Variants in TSHZ3 observed in about 807,000 individuals in gnomAD.
The protein encoded by TSHZ3 is teashirt homolog 3.
Under a neutral mutation model 64.5 loss-of-function variants are expected in TSHZ3, and 10 were observed. The ratio of observed to expected loss-of-function variants is 0.16; its 90% confidence interval spans 0.10 to 0.26. TSHZ3 has a LOEUF of 0.26. Ranked by LOEUF, TSHZ3 falls within the 10% of genes least tolerant of loss-of-function variation. The pLI, the probability that TSHZ3 is intolerant of heterozygous loss-of-function variation, is 1.00. For missense variants in TSHZ3, 1,242 were observed against 1,421.7 expected (o/e 0.87, Z 2.03); for synonymous variants, 608 against 593.1 (o/e 1.03, Z -0.36).
chr19:31,335,092 G>A (rs764194382), intron 1 of TSHZ3, among the ~76,000 whole-genome samples: 4 of 152,114 alleles, frequency 2.6e-5, no homozygotes, highest in Non-Finnish European at 4.4e-5. Flanking sequence ...CCCATTGCTT[G>A]TTTTCCCATT....
At chr19:31,232,583 A>C (rs1191439134) in intron 3 of TSHZ3, among the ~76,000 whole-genome samples, 1 of 152,240 alleles carries the variant, frequency 6.6e-6, no homozygotes, top group Non-Finnish European at 1.5e-5. Flanking sequence ...CAAAATACAC[A>C]CATTTTAAAT....
intron 1 of TSHZ3, among the ~76,000 whole-genome samples, chr19:31,251,493 C>A (rs992413149): frequency 6.6e-6 from 1 of 152,168 alleles, no homozygotes; most frequent in Admixed American, 6.5e-5. Context: ...GCAACAGGCA[C>A]CTCTTTGACC....
In TSHZ3 at chr19:31,278,649, T is replaced by C. The variant is rs1330935099; in HGVS notation, c.1144A>G (p.Lys382Glu). The C allele has an allele frequency of 6.2e-7, 1 of 1,614,134 alleles. No homozygotes were observed. The highest frequency in any genetic ancestry group is 8.5e-7 in the Non-Finnish European group (1 of 1,180,002). ...TCCATGCACTTCAGGATCTGCGACTTCCGGGCCTCAAAGTGCCATGCATAG... is the reference window on the plus strand; with the variant it reads ...TCCATGCACTTCAGGATCTGCGACTCCCGGGCCTCAAAGTGCCATGCATAG... ...ASYAWHFEAR[K>E]SQILKCMECG... Residue 382 changes from lysine (K) to glutamate (E), a missense_variant, in exon 2 of 2, where the codon AAG becomes GAG. Lys to Glu is a moderately conservative substitution (Grantham distance 56). Coordinates refer to ENST00000240587, the MANE Select transcript of TSHZ3 (RefSeq NM_020856.4). The surrounding 1 kb of genome is among the most constrained non-coding windows in gnomAD (Gnocchi z 4.7).
intron 5 of TSHZ3, among the ~76,000 whole-genome samples, chr19:31,184,972 T>C (rs1232821310): frequency 6.6e-6 from 1 of 152,166 alleles, no homozygotes; most frequent in African/African-American, 2.4e-5. Context: ...GATTGCTCAG[T>C]TACAACCTCT....
Position 31,278,869 on chromosome 19 carries a change from G to T in TSHZ3, c.924C>A (p.Pro308=). 5 of 1,614,054 alleles carry T rather than the reference G, an allele frequency of 3.1e-6. No individual in the cohort carries two copies. The highest frequency in any genetic ancestry group is 4.2e-6 in the Non-Finnish European group (5 of 1,180,028). ...KHYQKVPLKE[P]VTPVAAKIIP... ...TGATTTTGGCGGCGACAGGAGTGAC[G>T]GGTTCCTTCAGAGGCACTTTTTGGT... Residue 308 remains proline, a synonymous_variant, in exon 2 of 2, where the codon CCC becomes CCA. Transcript: ENST00000240587. This position sits in a 1 kb window ranked among gnomAD's most constrained non-coding sequence, Gnocchi z 4.7.
intron 1 of TSHZ3, 64 bp downstream of exon 1, chr19:31,349,116 G>A: frequency 2.0e-6 from 3 of 1,513,112 alleles, no homozygotes; most frequent in Admixed American, 4.1e-5. Context: ...CGCGCCCGCT[G>A]GAGGCGCGGG....
intron 1 of TSHZ3, among the ~76,000 whole-genome samples, chr19:31,336,872 G>A (rs975828888): frequency 6.6e-5 from 10 of 152,240 alleles, no homozygotes; most frequent in South Asian, 2.1e-4. Flanking sequence ...CTCCAGCATC[G>A]TCTTTGAATG....
intron 4 of TSHZ3, among the ~76,000 whole-genome samples, chr19:31,206,143 GGA>G (rs1253376364): frequency 1.3e-5 from 2 of 151,996 alleles, no homozygotes; most frequent in Non-Finnish European, 2.9e-5. Flanking sequence ...ATGAATGGAT[GGA>G]TGTGTGAATG....
chr19:31,325,103 C>A (rs1916893926), intron 1 of TSHZ3, among the ~76,000 whole-genome samples: 1 of 152,230 alleles, frequency 6.6e-6, no homozygotes, highest in Admixed American at 6.5e-5. Flanking sequence ...TCCGTAGGAA[C>A]TAAACATAGG....
chr19:31,255,801 T>C (rs533999432), intron 1 of TSHZ3, among the ~76,000 whole-genome samples: 1 of 152,294 alleles, frequency 6.6e-6, no homozygotes, highest in Non-Finnish European at 1.5e-5. Context: ...TCTCATGGCC[T>C]CTACATCTAA....
At chr19:31,335,856 G>A (rs1917227133) in intron 1 of TSHZ3, among the ~76,000 whole-genome samples, 1 of 152,300 alleles carries the variant, frequency 6.6e-6, no homozygotes, top group Non-Finnish European at 1.5e-5. Context: ...CATTACAGAA[G>A]GTGGACGTCA....
chr19:31,224,327 G>T (rs1007537284), intron 4 of TSHZ3, among the ~76,000 whole-genome samples: 1 of 152,178 alleles, frequency 6.6e-6, no homozygotes, highest in South Asian at 2.1e-4. Context: ...TTTGTGCTTT[G>T]TGCTTTGTTT....
chr19:31,248,705 C>T (rs1975791903), intron 1 of TSHZ3, among the ~76,000 whole-genome samples: 1 of 149,576 alleles, frequency 6.7e-6, no homozygotes, highest in Non-Finnish European at 1.5e-5. Flanking sequence ...GAGGGAGGAT[C>T]TCTTGAGCCT....
At chr19:31,350,423 C>T (rs1198288330), upstream of TSHZ3, among the ~76,000 whole-genome samples, 2 of 151,744 alleles carry the variant, frequency 1.3e-5, no homozygotes, top group East Asian at 4.0e-4. Flanking sequence ...CGCCCCTCGC[C>T]CCCGGGAGCC....
At chr19:31,265,767 C>T (rs1042543241) in intron 1 of TSHZ3, among the ~76,000 whole-genome samples, 1 of 152,206 alleles carries the variant, frequency 6.6e-6, no homozygotes, top group African/African-American at 2.4e-5. Context: ...CCCCTTTCCC[C>T]TGAAGGTTGC....
intron 1 of TSHZ3, among the ~76,000 whole-genome samples, chr19:31,265,069 C>T (rs1976032087): frequency 6.6e-6 from 1 of 151,976 alleles, no homozygotes; most frequent in Non-Finnish European, 1.5e-5. Context: ...ACTGCCTGCC[C>T]CATTAGGAGA....
chr19:31,229,264 A>G (rs956562804), intron 3 of TSHZ3, among the ~76,000 whole-genome samples: 2 of 152,236 alleles, frequency 1.3e-5, no homozygotes, highest in African/African-American at 4.8e-5. Context: ...AAGTTTGACC[A>G]AACAGAAAGA....
intron 4 of TSHZ3, among the ~76,000 whole-genome samples, chr19:31,215,641 G>A (rs1975316511): frequency 6.6e-6 from 1 of 152,240 alleles, no homozygotes; most frequent in African/African-American, 2.4e-5. Context: ...AGGAGGCTGA[G>A]GCTGGCGGAT....
At chr19:31,301,406 A>G (rs1976754735) in intron 1 of TSHZ3, among the ~76,000 whole-genome samples, 1 of 152,234 alleles carries the variant, frequency 6.6e-6, no homozygotes, top group Admixed American at 6.5e-5. Flanking sequence ...TACAGAGGCA[A>G]TTATTGAAAT....
Sources: gnomAD v4.1 joint callset for allele counts (sites outside exome capture counted in the v4.1 genomes callset) on GRCh38, gnomAD v4.1.1 for gene constraint, Gnocchi (gnomAD v3.1) non-coding constraint, MANE v1.5 for transcripts, NCBI Gene and HGNC (gene_info 2026-07-23, HGNC 2026-07-21) for gene names.